The following CSMD1 variants were observed in gnomAD, a reference collection of about 807,000 sequenced individuals.
CSMD1 encodes the protein CUB and sushi domain-containing protein 1.
In CSMD1, 213 loss-of-function variants were observed where a neutral mutation model predicts 417.5. The observed-to-expected ratio is 0.51, with a 90% CI of 0.46 to 0.57. The LOEUF is 0.57. Among genes scored for constraint, CSMD1 ranks in the 20% least tolerant of loss-of-function variants. The pLI is 0.00. For synonymous variants in CSMD1, 2,862 were observed against 1,736.8 expected (o/e 1.65, Z -16.11); for missense variants, 6,923 against 4,529.7 (o/e 1.53, Z -15.17).
intron 26 of CSMD1, among the ~76,000 whole-genome samples, chr8:3,255,663 G>C (rs865908759): frequency 2.6e-5 from 4 of 152,208 alleles, no homozygotes; most frequent in African/African-American, 2.4e-5. Flanking sequence ...AGGACCCTCT[G>C]AGCCATGCAC....
chr8:4,082,054 T>A (rs750934155), intron 3 of CSMD1, among the ~76,000 whole-genome samples: 7 of 152,130 alleles, frequency 4.6e-5, no homozygotes, highest in Non-Finnish European at 7.4e-5. Context: ...CAAAGGCATT[T>A]TAGGGGAAAG....
At chr8:3,994,280 A>C (rs1410463403) in intron 5 of CSMD1, among the ~76,000 whole-genome samples, 1 of 152,092 alleles carries the variant, frequency 6.6e-6, no homozygotes. Flanking sequence ...TAAAGGGAGT[A>C]AATGCTCCCT....
chr8:3,823,258 G>C (rs7840632), intron 5 of CSMD1, among the ~76,000 whole-genome samples: 64,787 of 151,960 alleles, frequency 0.43, 14,852 homozygotes, highest in African/African-American at 0.6. Flanking sequence ...GAACTTCAAA[G>C]TAATTCAGTT....
chr8:3,629,190 A>G (rs1796649726), intron 7 of CSMD1, among the ~76,000 whole-genome samples: 1 of 152,146 alleles, frequency 6.6e-6, no homozygotes, highest in African/African-American at 2.4e-5. Flanking sequence ...TTGCTTGTAA[A>G]GGGGAACAGC....
At chr8:3,875,970 T>C (rs369790660) in intron 5 of CSMD1, among the ~76,000 whole-genome samples, 102 of 151,086 alleles carry the variant, frequency 6.8e-4, no homozygotes, top group African/African-American at 2.3e-3. Context: ...AACTGTAAAA[T>C]TGCGAAGGGC....
intron 11 of CSMD1, among the ~76,000 whole-genome samples, chr8:3,484,488 G>A (rs1165251892): frequency 6.6e-6 from 1 of 152,140 alleles, no homozygotes; most frequent in Non-Finnish European, 1.5e-5. Flanking sequence ...AAACTTTTAG[G>A]AATATGTATA....
intron 3 of CSMD1, among the ~76,000 whole-genome samples, chr8:4,318,136 T>C (rs1051519789): frequency 2.0e-5 from 3 of 152,140 alleles, no homozygotes; most frequent in Non-Finnish European, 4.4e-5. Flanking sequence ...AACTACATTG[T>C]TATTTATGAA....
intron 5 of CSMD1, among the ~76,000 whole-genome samples, chr8:3,756,719 GT>G (rs1797681362): frequency 6.6e-6 from 1 of 152,062 alleles, no homozygotes; most frequent in African/African-American, 2.4e-5. Flanking sequence ...ATCAATGCTT[GT>G]TTTGTTGCTG....
chr8:3,668,036 C>A (rs989529288), intron 7 of CSMD1, among the ~76,000 whole-genome samples: 5 of 152,152 alleles, frequency 3.3e-5, no homozygotes, highest in Admixed American at 6.5e-5. Context: ...CTCCCCCAGT[C>A]CCCATCCCAA....
chr8:3,407,256 G>C (rs982253879), intron 14 of CSMD1, among the ~76,000 whole-genome samples: 2 of 151,848 alleles, frequency 1.3e-5, no homozygotes, highest in African/African-American at 4.8e-5. Flanking sequence ...AGGATGAATG[G>C]AAGGATATGG....
At chr8:3,863,035 C>G (rs1336135959) in intron 5 of CSMD1, among the ~76,000 whole-genome samples, 3 of 152,142 alleles carry the variant, frequency 2.0e-5, no homozygotes, top group African/African-American at 7.2e-5. Flanking sequence ...GTCTCTGCCT[C>G]AAAGACGGCA....
intron 5 of CSMD1, among the ~76,000 whole-genome samples, chr8:3,903,736 A>G (rs1041352476): frequency 6.6e-6 from 1 of 152,090 alleles, no homozygotes; most frequent in Non-Finnish European, 1.5e-5. Flanking sequence ...GACATCATCA[A>G]CTTTCAGGTG....
At chr8:3,617,133 A>C (rs1802179641) in intron 7 of CSMD1, among the ~76,000 whole-genome samples, 1 of 152,204 alleles carries the variant, frequency 6.6e-6, no homozygotes, top group Admixed American at 6.6e-5. Context: ...GCATTATGAG[A>C]AAAACGCATA....
intron 1 of CSMD1, among the ~76,000 whole-genome samples, chr8:4,789,228 C>T (rs1281789206): frequency 1.3e-5 from 2 of 152,128 alleles, no homozygotes; most frequent in African/African-American, 4.8e-5. Context: ...TATAAAGAAG[C>T]TATCCTGCCA....
intron 8 of CSMD1, among the ~76,000 whole-genome samples, chr8:3,598,132 G>A (rs776404951): frequency 9.9e-5 from 15 of 151,860 alleles, no homozygotes; most frequent in Admixed American, 2.0e-4. Context: ...ATTTCCTAAC[G>A]CATTTAACAA....
At chr8:4,577,180 T>A (rs942811540) in intron 2 of CSMD1, among the ~76,000 whole-genome samples, 1 of 152,202 alleles carries the variant, frequency 6.6e-6, no homozygotes, top group Non-Finnish European at 1.5e-5. Flanking sequence ...ATACATTTAT[T>A]GAAGCGAGAT....
At chr8:3,849,490 T>A (rs1012271657) in intron 5 of CSMD1, among the ~76,000 whole-genome samples, 2 of 152,168 alleles carry the variant, frequency 1.3e-5, no homozygotes, top group African/African-American at 4.8e-5. Flanking sequence ...TTGGAATCCA[T>A]CAAATAAATG....
intron 3 of CSMD1, among the ~76,000 whole-genome samples, chr8:4,321,527 A>C (rs1411079156): frequency 2.6e-5 from 4 of 152,144 alleles, no homozygotes; most frequent in Admixed American, 6.6e-5. Context: ...TTAAGGATTA[A>C]AGGGATGAGT....
chr8:3,409,584 C>A lies in CSMD1; in HGVS notation c.1583G>T (p.Gly528Val). The A allele has an allele frequency of 6.3e-7, 1 of 1,594,902 alleles. No individual in the cohort carries two copies. Among genetic ancestry groups the A allele is most frequent in the East Asian group, 2.3e-5 (1 of 44,316 alleles). Reference protein sequence around the residue: ...VYQEIEKGGCGDPGIPAYGKR... With the variant: ...VYQEIEKGGCVDPGIPAYGKR... ...CCCATAGGCGGGGATTCCAGGATCC[C>A]CACACCCTCCCTTTTCAATTTCTGA... Residue 528 changes from glycine (G) to valine (V), a missense_variant, in exon 13 of 70, where the codon GGG (glycine) becomes GTG (valine). By Grantham distance (109) the Gly-to-Val change is moderately radical. Transcript: ENST00000635120.
Sources: allele counts gnomAD v4.1 joint callset (sites outside exome capture counted in the v4.1 genomes callset), GRCh38; gene constraint gnomAD v4.1.1; transcripts MANE v1.5; gene names NCBI Gene and HGNC (gene_info 2026-07-23, HGNC 2026-07-21).